Variants in RBFOX1 observed in about 807,000 individuals in gnomAD.
RBFOX1 encodes the protein RNA binding protein fox-1 homolog 1.
RBFOX1 carries 8 observed loss-of-function variants against 57.7 expected under a neutral mutation model. That is an observed-to-expected ratio of 0.14 (90% CI 0.08 to 0.25). RBFOX1 has a LOEUF of 0.25. Ranked by LOEUF, RBFOX1 falls within the 10% of genes least tolerant of loss-of-function variation. The pLI, the probability that RBFOX1 is intolerant of heterozygous loss-of-function variation, is 1.00. For missense variants in RBFOX1, 611 were observed against 548.5 expected, an observed-to-expected ratio of 1.11 and a Z score of -1.14; for synonymous variants, 326 against 222.4, an observed-to-expected ratio of 1.47 and a Z score of -4.15.
At chr16:7,000,282 T>G (rs1018329585) in intron 3 of RBFOX1, among the ~76,000 whole-genome samples, 6 of 152,118 alleles carry the variant, frequency 3.9e-5, no homozygotes, top group African/African-American at 1.4e-4. Context: ...TACACATTTT[T>G]AAAGTTTTAT....
chr16:7,476,980 A>G (rs2062851592), intron 4 of RBFOX1, among the ~76,000 whole-genome samples: 1 of 152,106 alleles, frequency 6.6e-6, no homozygotes, highest in Non-Finnish European at 1.5e-5. Flanking sequence ...ATTGGTGTGG[A>G]GTCCTAGCTC....
At chr16:7,152,897 G>T (rs972750706) in intron 4 of RBFOX1, among the ~76,000 whole-genome samples, 1 of 152,190 alleles carries the variant, frequency 6.6e-6, no homozygotes, top group East Asian at 1.9e-4. Flanking sequence ...ACATAAAAAT[G>T]CAACAGAGAT....
chr16:5,709,181 C>T (rs2051360583), intron 3 of RBFOX1, among the ~76,000 whole-genome samples: 1 of 152,134 alleles, frequency 6.6e-6, no homozygotes, highest in South Asian at 2.1e-4. Context: ...TTCTGGGCTC[C>T]AGTGAGAGAT....
chr16:5,942,879 T>C (rs969582418), intron 4 of RBFOX1, among the ~76,000 whole-genome samples: 4 of 152,206 alleles, frequency 2.6e-5, no homozygotes, highest in Admixed American at 1.3e-4. Flanking sequence ...CTTTGCATTG[T>C]GGTTGCCATC....
intron 2 of RBFOX1, among the ~76,000 whole-genome samples, chr16:6,472,659 T>C (rs753387901): frequency 2.6e-5 from 4 of 152,060 alleles, no homozygotes; most frequent in Non-Finnish European, 5.9e-5. Flanking sequence ...AATCTCACTT[T>C]GTTGCCCAGG....
At chr16:6,582,149 G>T (rs1212155513) in intron 2 of RBFOX1, among the ~76,000 whole-genome samples, 1 of 152,110 alleles carries the variant, frequency 6.6e-6, no homozygotes, top group Non-Finnish European at 1.5e-5. Flanking sequence ...ATATTAAAAT[G>T]GACCCCTTGT....
At chr16:6,425,262 A>T (rs2093892109) in intron 2 of RBFOX1, among the ~76,000 whole-genome samples, 2 of 152,146 alleles carry the variant, frequency 1.3e-5, no homozygotes, top group Admixed American at 1.3e-4. Context: ...ACAGGTATGA[A>T]GTTTGGGGAG....
intron 1 of RBFOX1, among the ~76,000 whole-genome samples, chr16:6,145,710 C>A (rs951150520): frequency 6.6e-6 from 1 of 152,024 alleles, no homozygotes; most frequent in South Asian, 2.1e-4. Flanking sequence ...ATGTTTATGG[C>A]ATACGTCCAT....
In RBFOX1 at chr16:6,799,513, G is replaced by A. The variant is rs557401549; in HGVS notation, c.-16+144863G>A. ...TTGATTGGATTGAAGGATGCCTAGA[G>A]AGCTGGTGAACTATTGTTTCTGGGT... On this transcript the variant is annotated intron_variant, in intron 3 of 15. Coordinates refer to ENST00000550418, the MANE Select transcript of RBFOX1 (RefSeq NM_018723.4). Among the ~76,000 whole-genome samples, 7 of 152,248 alleles carry A rather than the reference G, an allele frequency of 4.6e-5. No homozygotes were observed. The East Asian group carries it at 1.4e-3, about 29-fold the overall frequency.
At chr16:7,421,653 C>G (rs1234174737) in intron 4 of RBFOX1, among the ~76,000 whole-genome samples, 1 of 152,244 alleles carries the variant, frequency 6.6e-6, no homozygotes, top group East Asian at 1.9e-4. Context: ...TGCAGGCTTA[C>G]TCAGTGCTTA....
intron 2 of RBFOX1, among the ~76,000 whole-genome samples, chr16:6,652,150 G>A (rs1022418859): frequency 1.4e-4 from 21 of 152,076 alleles, no homozygotes; most frequent in African/African-American, 4.8e-4. Context: ...AGGATTGGTG[G>A]CCTTAAAAGA....
intron 1 of RBFOX1, among the ~76,000 whole-genome samples, chr16:6,125,325 C>T (rs2096581737): frequency 6.6e-6 from 1 of 152,140 alleles, no homozygotes; most frequent in Admixed American, 6.6e-5. Context: ...GGTGGGTCTA[C>T]TTAAGAGGGC....
intron 4 of RBFOX1, among the ~76,000 whole-genome samples, chr16:5,893,155 C>T (rs2058085294): frequency 1.3e-5 from 2 of 152,192 alleles, no homozygotes; most frequent in South Asian, 2.1e-4. Context: ...TTCTAAATTA[C>T]TTACCGTGGA....
chr16:7,082,243 G>A (rs1317290612), intron 4 of RBFOX1, among the ~76,000 whole-genome samples: 1 of 152,102 alleles, frequency 6.6e-6, no homozygotes, highest in Admixed American at 6.5e-5. Context: ...AGCTTCAGTT[G>A]TACAGAATAC....
At chr16:7,237,243 C>G (rs2093814197) in intron 4 of RBFOX1, among the ~76,000 whole-genome samples, 1 of 152,206 alleles carries the variant, frequency 6.6e-6, no homozygotes. Flanking sequence ...AGACCACATG[C>G]TGGATCAGCT....
At chr16:7,102,961 C>A (rs568007415) in intron 4 of RBFOX1, among the ~76,000 whole-genome samples, 58 of 151,982 alleles carry the variant, frequency 3.8e-4, no homozygotes, top group African/African-American at 1.0e-3. Context: ...AAATTGTGAG[C>A]TTGAGACTAG....
chr16:5,570,401 T>C (rs915600795), intron 2 of RBFOX1, among the ~76,000 whole-genome samples: 8 of 152,184 alleles, frequency 5.3e-5, no homozygotes, highest in Admixed American at 5.2e-4. Context: ...ATGGGACTCA[T>C]TCATGTTAGT....
chr16:6,992,053 A>G (rs1596327856), intron 3 of RBFOX1, among the ~76,000 whole-genome samples: 1 of 152,268 alleles, frequency 6.6e-6, no homozygotes, highest in African/African-American at 2.4e-5. Flanking sequence ...CCACCTCTAG[A>G]AAATATTGGC....
At chr16:7,325,736 T>A (rs1041740777) in intron 4 of RBFOX1, among the ~76,000 whole-genome samples, 1 of 152,214 alleles carries the variant, frequency 6.6e-6, no homozygotes, top group African/African-American at 2.4e-5. Flanking sequence ...TCTTGATAAT[T>A]TGATGCGGTT....
Sources: gnomAD v4.1 joint callset for allele counts (sites outside exome capture counted in the v4.1 genomes callset) on GRCh38, gnomAD v4.1.1 for gene constraint, MANE v1.5 for transcripts, NCBI Gene and HGNC (gene_info 2026-07-23, HGNC 2026-07-21) for gene names.